The following PRAG1 variants were observed in gnomAD, a reference collection of about 807,000 sequenced individuals.
PRAG1 encodes PEAK1 related, kinase-activating pseudokinase 1, also known as inactive tyrosine-protein kinase PRAG1.
A neutral mutation model predicts 95.6 loss-of-function variants in PRAG1; 110 were observed. The observed-to-expected ratio is 1.15, with a 90% CI of 0.99 to 1.35. The LOEUF (loss-of-function observed/expected upper bound fraction) is 1.35. Ranked by LOEUF, PRAG1 falls within the 40% of genes most tolerant of loss-of-function variation. The probability of loss-of-function intolerance (pLI) is 0.00; values close to 1 mark genes in which losing one functional copy is unlikely to be tolerated. For missense variants in PRAG1, 2,554 were observed against 1,864.7 expected, an observed-to-expected ratio of 1.37 and a Z score of -6.81; for synonymous variants, 1,052 against 819.4, an observed-to-expected ratio of 1.28 and a Z score of -4.85.
intron 3 of PRAG1, among the ~76,000 whole-genome samples, chr8:8,351,524 T>A (rs1481553618): frequency 1.3e-5 from 2 of 152,180 alleles, no homozygotes; most frequent in South Asian, 2.1e-4. Flanking sequence ...ATTTAAAAGA[T>A]CTGCAAGGAA....
intron 5 of PRAG1, among the ~76,000 whole-genome samples, chr8:8,325,155 T>C (rs1041896618): frequency 6.6e-6 from 1 of 152,214 alleles, no homozygotes; most frequent in African/African-American, 2.4e-5. Flanking sequence ...CAGATGACTG[T>C]ATTTCGTCTA....
rs181838491 is a variant in PRAG1, at chr8:8,331,397, T to C, written c.2321-2936A>G. On this transcript the variant is annotated intron_variant, in intron 4 of 5. Coordinates refer to ENST00000615670, the MANE Select transcript of PRAG1 (RefSeq NM_001080826.3). ...CAGCTGTCAGCCTGCCCTGCCTGAG[T>C]TTCCTCCTTTAGAAAATGACCGATG... Among the ~76,000 whole-genome samples the C allele has an allele frequency of 3.2e-3, 492 of 152,210 alleles. 4 individuals carry two copies. The highest frequency in any genetic ancestry group is 0.011 in the African/African-American group (464 of 41,534).
chr8:8,321,408 G>T (rs1187363957), intron 5 of PRAG1, among the ~76,000 whole-genome samples: 1 of 152,234 alleles, frequency 6.6e-6, no homozygotes, highest in East Asian at 1.9e-4. Context: ...TAAATGGCAG[G>T]CTTCTGGAGC....
chr8:8,327,897 G>A lies in PRAG1; in HGVS notation c.2885C>T (p.Ser962Phe), dbSNP rs746498707. 9 of 1,614,230 alleles carry A rather than the reference G, an allele frequency of 5.6e-6. No homozygotes were observed. The Admixed American group carries it at 1.5e-4, about 27-fold the overall frequency. The change falls in exon 5 of 6, where the codon TCC becomes TTC. Residue 962 changes from serine to phenylalanine, a missense_variant. Ser to Phe is a radical substitution (Grantham distance 155). Coordinates refer to ENST00000615670, the MANE Select transcript of PRAG1 (RefSeq NM_001080826.3). Reference sequence around the variant, plus strand: ...ACATTTGGCTACAAGGCGGGCCAGGGACTGGGTGTAGAGTCCCCCCAGCTT... The same window carrying A: ...ACATTTGGCTACAAGGCGGGCCAGGAACTGGGTGTAGAGTCCCCCCAGCTT... ...YAKLGGLYTQ[S>F]LARLVAKCED...
In PRAG1 at chr8:8,318,041, C is replaced by T; in HGVS notation, c.*113G>A. 2 of 872,530 alleles carry T rather than the reference C, an allele frequency of 2.3e-6. No individual in the cohort carries two copies. The highest frequency in any genetic ancestry group is 3.2e-5 in the Admixed American group (1 of 31,282). 54.0% of individuals were successfully genotyped at this position (872,530 alleles called of 1,614,324 possible). ...ATATATATATTTATATATTTTACAT[C>T]CAGGTATCCCAGTCATCTGTACCAT... is the stretch of plus-strand genomic sequence containing the variant. On this transcript the variant is annotated 3_prime_UTR_variant, in exon 6 of 6. Transcript: ENST00000615670. The surrounding 1 kb of genome is among the most constrained non-coding windows in gnomAD (Gnocchi z 4.2).
chr8:8,327,931 T>G lies in PRAG1; in HGVS notation c.2851A>C (p.Thr951Pro), dbSNP rs773620897. Reference protein sequence around the residue: ...LLSNISSKEGTYAKLGGLYTQ... With the variant: ...LLSNISSKEGPYAKLGGLYTQ... ...TAGAGTCCCCCCAGCTTGGCATAGG[T>G]GCCCTCCTTGCTGCTGATGTTGCTC... Residue 951 changes from threonine (T) to proline (P), a missense_variant, in exon 5 of 6, where the codon ACC (threonine) becomes CCC (proline). Thr to Pro is a conservative substitution (Grantham distance 38, BLOSUM62 -1). Coordinates refer to ENST00000615670, the MANE Select transcript of PRAG1 (RefSeq NM_001080826.3). The G allele has an allele frequency of 1.2e-6, 2 of 1,613,388 alleles. No individual in the cohort carries two copies. Among genetic ancestry groups the G allele is most frequent in the South Asian group, 1.1e-5 (1 of 91,036 alleles).
chr8:8,341,058 C>T (rs1799145936), intron 3 of PRAG1, among the ~76,000 whole-genome samples: 1 of 152,140 alleles, frequency 6.6e-6, no homozygotes, highest in African/African-American at 2.4e-5. Flanking sequence ...CAAGGGAAGC[C>T]AGGATATGAA....
intron 3 of PRAG1, among the ~76,000 whole-genome samples, chr8:8,350,927 GAT>G (rs1585248053): frequency 1.3e-5 from 2 of 151,764 alleles, no homozygotes; most frequent in Admixed American, 6.6e-5. Context: ...TGGATGGATG[GAT>G]GGATGGATGG....
At chr8:8,339,783 A>C (rs1799108402) in intron 3 of PRAG1, 148 bp from the exon 4 acceptor site, 13 of 720,884 alleles carry the variant, frequency 1.8e-5, no homozygotes, top group Non-Finnish European at 2.8e-5. Context: ...TTGGGGAGAC[A>C]GTAGAGGTTC....
At chr8:8,341,922 A>C (rs2945914) in intron 3 of PRAG1, among the ~76,000 whole-genome samples, 112,408 of 151,948 alleles carry the variant, frequency 0.74, 42,604 homozygotes, top group East Asian at 0.9. Context: ...CACTTGAGGT[A>C]GGGAGTTCGA....
At position 8,318,970 on chromosome 8, in the gene PRAG1, G is replaced by A. The variant is rs765299852; in HGVS notation, c.3405C>T (p.His1135=). The part of the protein sequence containing the change: ...LLLQLCNGLE[H]LKEHGIIHRD... ...GGTGGATGATCCCGTGCTCCTTCAG[G>A]TGCTCCAGCCCGTTGCAGAGTTGCA... Residue 1135 remains histidine (H), a synonymous_variant, in exon 6 of 6, where the codon CAC becomes CAT. Transcript: ENST00000615670. This position sits in a 1 kb window ranked among gnomAD's most constrained non-coding sequence, Gnocchi z 4.2. 53 of 1,613,266 alleles carry A rather than the reference G, an allele frequency of 3.3e-5. No individual in the cohort carries two copies. The East Asian group carries it at 9.8e-4, about 30-fold the overall frequency.
At chr8:8,375,470 G>C (rs1312543515) in intron 3 of PRAG1, among the ~76,000 whole-genome samples, 1 of 152,142 alleles carries the variant, frequency 6.6e-6, no homozygotes, top group Non-Finnish European at 1.5e-5. Flanking sequence ...AAAGTGCTGA[G>C]ATTACAGGCG....
intron 3 of PRAG1, among the ~76,000 whole-genome samples, chr8:8,356,641 A>G (rs1799691669): frequency 6.6e-6 from 1 of 152,106 alleles, no homozygotes; most frequent in South Asian, 2.1e-4. Flanking sequence ...AACCACCACG[A>G]CTGGCCTAGA....
At chr8:8,372,059 C>G (rs1489141568) in intron 3 of PRAG1, among the ~76,000 whole-genome samples, 1 of 152,222 alleles carries the variant, frequency 6.6e-6, no homozygotes, top group Non-Finnish European at 1.5e-5. Flanking sequence ...TGGTGAAACG[C>G]TTATCTGCAC....
chr8:8,372,622 T>C (rs1800246874), intron 3 of PRAG1, among the ~76,000 whole-genome samples: 1 of 152,138 alleles, frequency 6.6e-6, no homozygotes, highest in Non-Finnish European at 1.5e-5. Flanking sequence ...GTTCTGGGCA[T>C]AAAATGAGCA....
rs1798340251 is a variant in PRAG1, at chr8:8,318,237, C to G, written c.4138G>C (p.Glu1380Gln). Residue 1380 changes from glutamate to glutamine, a missense_variant, in exon 6 of 6, where the codon GAG becomes CAG. By Grantham distance (29) the Glu-to-Gln change is conservative. Transcript: ENST00000615670. The surrounding 1 kb of genome is among the most constrained non-coding windows in gnomAD (Gnocchi z 4.2). ...AVDRRRGVEL[E>Q]DWLCCQYLAS... The stretch of plus-strand genomic sequence containing the variant: ...AGGTACTGGCAGCAAAGCCAGTCCT[C>G]CAGCTCCACGCCCCGCCTGCGATCC... The G allele has an allele frequency of 6.2e-7, 1 of 1,614,100 alleles. No homozygotes were observed. The highest frequency in any genetic ancestry group is 8.5e-7 in the Non-Finnish European group (1 of 1,180,034).
intron 3 of PRAG1, among the ~76,000 whole-genome samples, chr8:8,371,289 C>A (rs1800193104): frequency 6.6e-6 from 1 of 151,662 alleles, no homozygotes; most frequent in Non-Finnish European, 1.5e-5. Flanking sequence ...GAGGTGGAGT[C>A]TCGCTCTGTC....
chr8:8,327,429 G>C (rs770780651), intron 5 of PRAG1, among the ~76,000 whole-genome samples: 5 of 152,246 alleles, frequency 3.3e-5, no homozygotes, highest in Middle Eastern at 3.4e-3. Context: ...AATTAGCTGG[G>C]TACCGTGGTG....
At chr8:8,384,732 G>T (rs1308529458) in intron 1 of PRAG1, among the ~76,000 whole-genome samples, 1 of 151,560 alleles carries the variant, frequency 6.6e-6, no homozygotes, top group South Asian at 2.1e-4. Context: ...GCCTTGCCTC[G>T]CCTTGCCTGG....
Sources: allele counts gnomAD v4.1 joint callset (sites outside exome capture counted in the v4.1 genomes callset), GRCh38; gene constraint gnomAD v4.1.1; non-coding constraint Gnocchi (gnomAD v3.1); transcripts MANE v1.5; gene names NCBI Gene and HGNC (gene_info 2026-07-23, HGNC 2026-07-21).